TFG: variants seen among roughly 807,000 people sequenced by gnomAD.
The protein encoded by TFG is protein TFG.
In TFG, 22 loss-of-function variants were observed where a neutral mutation model predicts 51.4. That is an observed-to-expected ratio of 0.43 (90% CI 0.31 to 0.61). The LOEUF (loss-of-function observed/expected upper bound fraction) is 0.61, where lower values mean the gene tolerates loss of function less well. TFG is among the 20% of genes least tolerant of loss of function. The pLI, the probability that TFG is intolerant of heterozygous loss-of-function variation, is 0.12. For missense variants in TFG, 419 were observed against 487.7 expected, an observed-to-expected ratio of 0.86 and a Z score of 1.33; for synonymous variants, 187 against 165.6, an observed-to-expected ratio of 1.13 and a Z score of -0.99.
intron 3 of TFG, among the ~76,000 whole-genome samples, chr3:100,728,186 GT>G (rs957087938): frequency 6.6e-6 from 1 of 151,352 alleles, no homozygotes; most frequent in Non-Finnish European, 1.5e-5. Context: ...TTAGTTAGCT[GT>G]TTTTTTTCAA....
At chr3:100,739,032 T>C (rs1309275647) in intron 6 of TFG, among the ~76,000 whole-genome samples, 1 of 152,214 alleles carries the variant, frequency 6.6e-6, no homozygotes, top group African/African-American at 2.4e-5. Flanking sequence ...TAGCCACATG[T>C]AGCTAGTGAT....
At chr3:100,731,362 G>T (rs2095091188) in intron 4 of TFG, among the ~76,000 whole-genome samples, 1 of 152,148 alleles carries the variant, frequency 6.6e-6, no homozygotes, top group South Asian at 2.1e-4. Flanking sequence ...CAAGACAGTA[G>T]TATAAATGCC....
intron 2 of TFG, among the ~76,000 whole-genome samples, chr3:100,717,403 G>C (rs1225972048): frequency 1.3e-5 from 2 of 152,042 alleles, no homozygotes; most frequent in Non-Finnish European, 2.9e-5. Context: ...ATGTAGTTCT[G>C]TACAAATTTT....
In TFG at chr3:100,748,608, A is replaced by G. The variant is rs2095157540; in HGVS notation, c.*77A>G. ...AGACTCCAGTACTATTTTAATTTGT[A>G]TTGAAGAAGTTCAGAAATTTAAAAG... On this transcript the variant is annotated 3_prime_UTR_variant, in exon 8 of 8. Transcript: ENST00000240851. The G allele has an allele frequency of 5.0e-6, 7 of 1,392,718 alleles. No individual in the cohort carries two copies. The highest frequency in any genetic ancestry group is 3.3e-5 in the South Asian group (2 of 60,720). The allele number at this position is 1,392,718 out of a possible 1,614,324, so 86.3% of individuals were successfully genotyped here.
rs1468923127 is a variant in TFG at position 100,713,660 on chromosome 3, A to C, written c.-26A>C. 6.6e-7 allele frequency: 1 copy of C among 1,524,740 alleles called. No individual in the cohort carries two copies. Among genetic ancestry groups the C allele is most frequent in the Non-Finnish European group, 8.9e-7 (1 of 1,125,756 alleles). 94.5% of individuals were successfully genotyped at this position (1,524,740 alleles called of 1,614,324 possible). The stretch of plus-strand genomic sequence containing the variant: ...TTTATCAGTCTTTCTCTAGAGTTGT[A>C]TATATAGAACATCCTGGAGTCCACC... On this transcript the variant is annotated 5_prime_UTR_variant, in exon 2 of 8. Coordinates refer to ENST00000240851, the MANE Select transcript of TFG (RefSeq NM_006070.6).
At chr3:100,735,070 A>G (rs554236886) in intron 5 of TFG, among the ~76,000 whole-genome samples, 1 of 152,318 alleles carries the variant, frequency 6.6e-6, no homozygotes, top group South Asian at 2.1e-4. Context: ...AGTAATAAAT[A>G]TATATATTTA....
intron 3 of TFG, among the ~76,000 whole-genome samples, chr3:100,724,255 G>A (rs930630717): frequency 2.6e-5 from 4 of 152,128 alleles, no homozygotes; most frequent in African/African-American, 4.8e-5. Flanking sequence ...CTAGAAATTG[G>A]AATTGTTAGG....
rs1192955694 is a variant in TFG at position 100,736,795 on chromosome 3, A to G, written c.721+79A>G. The G allele has an allele frequency of 4.1e-6, 6 of 1,463,164 alleles. No individual in the cohort carries two copies. The African/African-American group carries it at 5.6e-5, about 14-fold the overall frequency. 90.6% of individuals were successfully genotyped at this position (1,463,164 alleles called of 1,614,324 possible). A position where few individuals can be genotyped will look rare whatever the true frequency, so the allele number is the denominator to read the frequency against. On this transcript the variant is annotated intron_variant, in intron 6 of 7. Coordinates refer to ENST00000240851, the MANE Select transcript of TFG (RefSeq NM_006070.6). ...ATTACAGCATTGTTGTAAACACTTC[A>G]TGTATTTAGTCATGCCTTAAACACA...
chr3:100,712,208 G>A (rs962556230), intron 1 of TFG, among the ~76,000 whole-genome samples: 1 of 152,088 alleles, frequency 6.6e-6, no homozygotes, highest in Non-Finnish European at 1.5e-5. Flanking sequence ...AGGACCTAGC[G>A]TATTTATATG....
intron 2 of TFG, among the ~76,000 whole-genome samples, chr3:100,719,409 C>G (rs937992480): frequency 6.6e-6 from 1 of 152,156 alleles, no homozygotes; most frequent in African/African-American, 2.4e-5. Context: ...TGGGGGATTT[C>G]ACGGTCATAA....
chr3:100,731,805 C>G (rs1480820013), intron 4 of TFG, among the ~76,000 whole-genome samples: 1 of 152,140 alleles, frequency 6.6e-6, no homozygotes, highest in African/African-American at 2.4e-5. Flanking sequence ...ACCTCGGCCT[C>G]TCAAAGTGCT....
At chr3:100,717,164 T>C (rs1430112894) in intron 2 of TFG, among the ~76,000 whole-genome samples, 1 of 152,234 alleles carries the variant, frequency 6.6e-6, no homozygotes, top group African/African-American at 2.4e-5. Flanking sequence ...CAAAAGTCAG[T>C]TGGCTATAGA....
rs770280574 is a variant in TFG, at chr3:100,748,269, A to G, written c.941A>G (p.Gln314Arg). 3 of 1,614,100 alleles carry G rather than the reference A, an allele frequency of 1.9e-6. No homozygotes were observed. The highest frequency in any genetic ancestry group is 2.5e-6 in the Non-Finnish European group (3 of 1,179,990). ...GGTCAGCCTCAACAACTGCCTGCTC[A>G]GCCGCCACAGCAGTACCAGGCGAGC... ...FSGQPQQLPA[Q>R]PPQQYQASNY... The change falls in exon 8 of 8, where the codon CAG (glutamine) becomes CGG (arginine). Residue 314 changes from glutamine to arginine, a missense_variant. Around this residue, in one of 3 missense-constraint regions of TFG, gnomAD observed 391 missense variants for 434.4 expected, o/e 0.90. Transcript: ENST00000240851.
At chr3:100,720,902 T>C (rs1292044506) in intron 3 of TFG, among the ~76,000 whole-genome samples, 1 of 152,228 alleles carries the variant, frequency 6.6e-6, no homozygotes, top group East Asian at 1.9e-4. Flanking sequence ...TGTACACTTT[T>C]TCCGGCTGTT....
At position 100,709,616 on chromosome 3, in the gene TFG, G is replaced by C. The variant is rs1059363; in HGVS notation, c.-149G>C. On this transcript the variant is annotated 5_prime_UTR_variant, in exon 1 of 8. Coordinates refer to ENST00000240851, the MANE Select transcript of TFG (RefSeq NM_006070.6). ...GCGGCGGTCGCGAAGGGCAACCGAG[G>C]GGGCCGTGACCACCGCCTCCCCGCG... 0.67 allele frequency: 101,349 copies of C among 150,804 alleles called. 34,249 individuals are homozygous for C. The highest frequency in any genetic ancestry group is 0.84 in the South Asian group (3,995 of 4,784). The allele number at this position is 150,804 out of a possible 1,614,324, so 9.3% of individuals were successfully genotyped here.
intron 2 of TFG, among the ~76,000 whole-genome samples, chr3:100,715,301 T>C (rs1225728408): frequency 6.6e-6 from 1 of 152,204 alleles, no homozygotes; most frequent in African/African-American, 2.4e-5. Flanking sequence ...GGCATTGACA[T>C]TGGCAAGCAG....
At chr3:100,719,948 A>G (rs767308241) in intron 2 of TFG, 27 bp from the exon 3 acceptor site, 3 of 1,417,462 alleles carry the variant, frequency 2.1e-6, no homozygotes, top group Non-Finnish European at 2.9e-6. Context: ...AAATTAAAAA[A>G]CAACCTTTTT....
intron 3 of TFG, among the ~76,000 whole-genome samples, chr3:100,727,001 T>G (rs1392413876): frequency 6.6e-6 from 1 of 152,240 alleles, no homozygotes; most frequent in Non-Finnish European, 1.5e-5. Flanking sequence ...TAGCAGTTAC[T>G]CATATTAGCC....
At chr3:100,735,432 C>G (rs1301789476) in intron 5 of TFG, among the ~76,000 whole-genome samples, 1 of 152,184 alleles carries the variant, frequency 6.6e-6, no homozygotes, top group East Asian at 1.9e-4. Context: ...TAAGCCCATG[C>G]TATAAGCTCT....
Sources: gnomAD v4.1 joint callset for allele counts (sites outside exome capture counted in the v4.1 genomes callset) on GRCh38, gnomAD v4.1.1 for gene constraint, gnomAD v4.1.1 regional missense constraint, MANE v1.5 for transcripts, NCBI Gene and HGNC (gene_info 2026-07-23, HGNC 2026-07-21) for gene names.